NCAPH2: variants seen among roughly 807,000 people sequenced by gnomAD.
NCAPH2 encodes the protein condensin-2 complex subunit H2.
A neutral mutation model predicts 88.6 loss-of-function variants in NCAPH2; 56 were observed. The ratio of observed to expected loss-of-function variants is 0.63; its 90% CI spans 0.51 to 0.79. The LOEUF is 0.79. Ranked by LOEUF, NCAPH2 falls within the 30% of genes least tolerant of loss-of-function variation. The pLI is 0.00. For synonymous variants in NCAPH2, 378 were observed against 313.6 expected (o/e 1.21, Z -2.17); for missense variants, 794 against 792.0 (o/e 1.00, Z -0.03).
Position 50,522,012 on chromosome 22 carries a change from C to G in NCAPH2, c.1135C>G (p.Leu379Val), listed in dbSNP as rs563550622. ...TGCAGACCATGCCGACAGCAGGCGGCTTCGGCGAAAGGGTCCGTCCTTTGC... is the reference window on the plus strand; with the variant it reads ...TGCAGACCATGCCGACAGCAGGCGGGTTCGGCGAAAGGGTCCGTCCTTTGC... ...AYADHADSRR[L>V]RRKGPSFADM... Residue 379 changes from leucine (L) to valine (V), a missense_variant, in exon 13 of 20, where the codon CTT becomes GTT. Physicochemically the swap from Leu to Val is conservative, Grantham distance 32. Around this residue, in one of 2 missense-constraint regions of NCAPH2, gnomAD observed 735 missense variants for 696.3 expected, o/e 1.06. Transcript: ENST00000420993. 1.2e-6 allele frequency: 2 copies of G among 1,614,056 alleles called. No individual in the cohort carries two copies. Among genetic ancestry groups the G allele is most frequent in the African/African-American group, 1.3e-5 (1 of 75,078 alleles).
At position 50,517,988 on chromosome 22, in the gene NCAPH2, C is replaced by G. The variant is rs1441949996; in HGVS notation, c.436C>G (p.Pro146Ala). The G allele has an allele frequency of 6.2e-7, 1 of 1,613,626 alleles. No individual in the cohort carries two copies. Among genetic ancestry groups the G allele is most frequent in the African/African-American group, 1.3e-5 (1 of 74,914 alleles). ...CTCCATGCAGGAGGTCCTCATCATCCCCCTCCTGCCCATGGCCCTGGTGGC... is the reference window on the plus strand; with the variant it reads ...CTCCATGCAGGAGGTCCTCATCATCGCCCTCCTGCCCATGGCCCTGGTGGC... ...DQTPSEVLII[P>A]LLPMALVAPD... is the part of the protein sequence containing the mutation. The change falls in exon 6 of 20, where the codon CCC becomes GCC. Residue 146 changes from proline to alanine, a missense_variant. Physicochemically the swap from Pro to Ala is conservative, Grantham distance 27 (BLOSUM62 -1). Transcript: ENST00000420993.
Position 50,522,343 on chromosome 22 carries a change from G to GCTTTCTC in NCAPH2, c.1234_1235insCTTTCTC (p.Val412AlafsTer5). ...CCTCACAGATGCTTTCTCTGGACAG[G>GCTTTCTC]TGGCTGAGCAGTGGCTGCGGCCTGC... On this transcript the variant is annotated frameshift_variant and splice_region_variant, in exon 15 of 20. Coordinates refer to ENST00000420993, the MANE Select transcript of NCAPH2 (RefSeq NM_152299.4). LOFTEE classifies it high-confidence loss of function. 2 of 1,604,714 alleles carry GCTTTCTC rather than the reference G, an allele frequency of 1.2e-6. No individual in the cohort carries two copies. Among genetic ancestry groups the GCTTTCTC allele is most frequent in the Non-Finnish European group, 1.7e-6 (2 of 1,174,636 alleles).
Position 50,524,277 on chromosome 22 carries a change from CT to C in NCAPH2, c.*903del. On this transcript the variant is annotated 3_prime_UTR_variant, in exon 20 of 20. Transcript: ENST00000420993. The stretch of plus-strand genomic sequence containing the variant: ...CCTGGGGCTGGCCCTGCCCACCTGT[CT>C]CTGCAGGGCCCTGCCTTGACAAAAG... 1 of 1,603,884 alleles carries C rather than the reference CT, an allele frequency of 6.2e-7. No homozygotes were observed. The highest frequency in any genetic ancestry group is 8.5e-7 in the Non-Finnish European group (1 of 1,179,766).
intron 10 of NCAPH2, 127 bp downstream of exon 10, chr22:50,521,163 C>G (rs1397116680): frequency 9.0e-7 from 1 of 1,110,960 alleles, no homozygotes; most frequent in Admixed American, 2.3e-5. Flanking sequence ...TTTGCACTTG[C>G]TCTCTTAAAG....
intron 1 of NCAPH2, among the ~76,000 whole-genome samples, chr22:50,514,524 A>T (rs2068865132): frequency 6.6e-6 from 1 of 152,218 alleles, no homozygotes; most frequent in African/African-American, 2.4e-5. Flanking sequence ...GTTTGGGCTC[A>T]GATGGCAGGT....
At chr22:50,522,597 G>A (rs1228640441) in intron 16 of NCAPH2, 28 bp downstream of exon 16, 29 of 1,613,490 alleles carry the variant, frequency 1.8e-5, no homozygotes, top group Admixed American at 1.0e-4. Context: ...TAGGAGTGCT[G>A]AGGGGCCACT....
At position 50,508,362 on chromosome 22, in the gene NCAPH2, G is replaced by T; in HGVS notation, c.25G>T (p.Ala9Ser). The T allele has an allele frequency of 6.7e-7, 1 of 1,482,114 alleles. No homozygotes were observed. Among genetic ancestry groups the T allele is most frequent in the Non-Finnish European group, 8.9e-7 (1 of 1,120,666 alleles). The allele number at this position is 1,482,114 out of a possible 1,614,324, so 91.8% of individuals were successfully genotyped here. Residue 9 changes from alanine (A) to serine (S), a missense_variant, in exon 1 of 20, where the codon GCC (alanine) becomes TCC (serine). Physicochemically the swap from Ala to Ser is moderately conservative, Grantham distance 99 (BLOSUM62 1). Coordinates refer to ENST00000420993, the MANE Select transcript of NCAPH2 (RefSeq NM_152299.4). ...CATGGAGGACGTGGAGGCGCGCTTCGCCCACCTCTTGCAGCCCATCCGCGA... is the reference window on the plus strand; with the variant it reads ...CATGGAGGACGTGGAGGCGCGCTTCTCCCACCTCTTGCAGCCCATCCGCGA... MEDVEARFAHLLQPIRDLT... is the reference protein window; with the variant it reads MEDVEARFSHLLQPIRDLT...
rs746456468 is a variant in NCAPH2 at position 50,522,207 on chromosome 22, G to C, written c.1189G>C (p.Val397Leu). ...CATGGAGGTCCTGTACTGGACACAC[G>C]TGAAGGAGCAGTTGGAAACTCTCCG... ...ADMEVLYWTH[V>L]KEQLETLRKL... is the part of the protein sequence containing the mutation. The change falls in exon 14 of 20, where the codon GTG (valine) becomes CTG (leucine). Residue 397 changes from valine to leucine, a missense_variant. Physicochemically the swap from Val to Leu is conservative, Grantham distance 32. Transcript: ENST00000420993. The C allele has an allele frequency of 6.2e-7, 1 of 1,613,840 alleles. No individual in the cohort carries two copies. Among genetic ancestry groups the C allele is most frequent in the Admixed American group, 1.7e-5 (1 of 59,990 alleles).
chr22:50,519,739 C>A (rs547030432), intron 9 of NCAPH2: 120 of 1,022,176 alleles, frequency 1.2e-4, no homozygotes, highest in Non-Finnish European at 1.4e-4. Flanking sequence ...TTCATTAAAA[C>A]AAAATCAACC....
At chr22:50,511,430 C>T (rs1205139984) in intron 1 of NCAPH2, among the ~76,000 whole-genome samples, 2 of 144,142 alleles carry the variant, frequency 1.4e-5, no homozygotes, top group Non-Finnish European at 2.9e-5. Flanking sequence ...GCTGGGACTA[C>T]TGGCACCCGC....
intron 1 of NCAPH2, among the ~76,000 whole-genome samples, chr22:50,508,727 T>C (rs762697076): frequency 2.0e-5 from 3 of 152,258 alleles, no homozygotes; most frequent in Non-Finnish European, 4.4e-5. Flanking sequence ...TCTAACGTAG[T>C]GGAATAGACT....
chr22:50,518,196 CA>C lies in NCAPH2; in HGVS notation c.565del (p.Arg189GlufsTer77). On this transcript the variant is annotated frameshift_variant, in exon 7 of 20. Transcript: ENST00000420993. LOFTEE classifies it high-confidence loss of function. ...GGATGAACACGTGCGTTCCCCACCC[CA>C]GAGGGGCCTTCATGTTGGAGCCAGA... ...FRMNTCVPHPRGAFMLEPEGM... is the reference protein window; with the variant it reads ...FRMNTCVPHPXGAFMLEPEGM... 1 of 1,614,076 alleles carries C rather than the reference CA, an allele frequency of 6.2e-7. No individual in the cohort carries two copies. Among genetic ancestry groups the C allele is most frequent in the Non-Finnish European group, 8.5e-7 (1 of 1,180,010 alleles).
rs1384630235 is a variant in NCAPH2 at position 50,524,571 on chromosome 22, C to T, written c.*1196C>T. The T allele has an allele frequency of 6.6e-6, 5 of 756,270 alleles. No individual in the cohort carries two copies. The Admixed American group carries it at 8.0e-5, about 12-fold the overall frequency. 46.8% of individuals were successfully genotyped at this position (756,270 alleles called of 1,614,324 possible). A position where few individuals can be genotyped will look rare whatever the true frequency, so the allele number is the denominator to read the frequency against. On this transcript the variant is annotated 3_prime_UTR_variant, in exon 20 of 20. Coordinates refer to ENST00000420993, the MANE Select transcript of NCAPH2 (RefSeq NM_152299.4). Reference sequence around the variant, plus strand: ...GCATTTGCAGCTGCTCACCTGAGCTCAGAACTCCACCTCCACCAAACATCC... The same window carrying T: ...GCATTTGCAGCTGCTCACCTGAGCTTAGAACTCCACCTCCACCAAACATCC...
chr22:50,524,187 C>T lies in NCAPH2; in HGVS notation c.*812C>T, dbSNP rs1427577461. 7 of 1,609,106 alleles carry T rather than the reference C, an allele frequency of 4.4e-6. No homozygotes were observed. The South Asian group carries it at 6.6e-5, about 15-fold the overall frequency. ...TCTCCTTCTCAGCCCTCAGGGCCAG[C>T]CAGGCCCCACCGAGTCCAGCCCCGA... On this transcript the variant is annotated 3_prime_UTR_variant, in exon 20 of 20. Transcript: ENST00000420993.
In NCAPH2 at chr22:50,518,709, C is replaced by T; in HGVS notation, c.707C>T (p.Ala236Val). 1 of 1,607,794 alleles carries T rather than the reference C, an allele frequency of 6.2e-7. No individual in the cohort carries two copies. Among genetic ancestry groups the T allele is most frequent in the South Asian group, 1.1e-5 (1 of 89,674 alleles). Reference sequence around the variant, plus strand: ...TCCGTGTGCAGGAGCCCTGTCCCAGCACTCGGCTTCTCCCAGGAGCCAGGT... The same window carrying T: ...TCCGTGTGCAGGAGCCCTGTCCCAGTACTCGGCTTCTCCCAGGAGCCAGGT... ...EVSVCRSPVP[A>V]LGFSQEPGPS... Residue 236 changes from alanine to valine, a missense_variant, in exon 8 of 20, where the codon GCA becomes GTA. This residue lies in a region of NCAPH2 where 735 missense variants were observed against 696.3 expected (regional missense o/e 1.06). Transcript: ENST00000420993.
chr22:50,519,212 G>T lies in NCAPH2; in HGVS notation c.753G>T (p.Met251Ile). 1.2e-6 allele frequency: 2 copies of T among 1,610,748 alleles called. No individual in the cohort carries two copies. Among genetic ancestry groups the T allele is most frequent in the Admixed American group, 1.7e-5 (1 of 59,646 alleles). The change falls in exon 9 of 20, where the codon ATG (methionine) becomes ATT (isoleucine). Residue 251 changes from methionine to isoleucine, a missense_variant. Physicochemically the swap from Met to Ile is conservative, Grantham distance 10 (BLOSUM62 1). Around this residue, in one of 2 missense-constraint regions of NCAPH2, gnomAD observed 735 missense variants for 696.3 expected, o/e 1.06. Transcript: ENST00000420993. ...TAGGCCCCTCTCCAGAAGGCCCGATGCCCCTGGGTGGGGGCGAGGACGAGG... is the reference window on the plus strand; with the variant it reads ...TAGGCCCCTCTCCAGAAGGCCCGATTCCCCTGGGTGGGGGCGAGGACGAGG... ...QEPGPSPEGP[M>I]PLGGGEDEDA... is the part of the protein sequence containing the mutation.
rs139545104 is a variant in NCAPH2, at chr22:50,524,250, G to A, written c.*875G>A. On this transcript the variant is annotated 3_prime_UTR_variant, in exon 20 of 20. Coordinates refer to ENST00000420993, the MANE Select transcript of NCAPH2 (RefSeq NM_152299.4). ...TCAGCAGCCGGGTTCGAAGCCCAGG[G>A]CCCTGGGGCTGGCCCTGCCCACCTG... The A allele has an allele frequency of 1.8e-4, 291 of 1,605,592 alleles. 1 individual carries two copies. Among genetic ancestry groups the A allele is most frequent in the Non-Finnish European group, 2.3e-4 (268 of 1,179,828 alleles).
At position 50,519,232 on chromosome 22, in the gene NCAPH2, AC is replaced by A. The variant is rs1197993431; in HGVS notation, c.774del (p.Asp258GlufsTer8). 14 of 1,610,372 alleles carry A rather than the reference AC, an allele frequency of 8.7e-6. No individual in the cohort carries two copies. Among genetic ancestry groups the A allele is most frequent in the Non-Finnish European group, 1.2e-5 (14 of 1,178,980 alleles). On this transcript the variant is annotated frameshift_variant, in exon 9 of 20. Transcript: ENST00000420993. LOFTEE classifies it high-confidence loss of function. ...CCGATGCCCCTGGGTGGGGGCGAGG[AC>A]GAGGATGCAGAGGAGGCAGTAGAGC... ...EGPMPLGGGE[D>X]EDAEEAVELP...
Position 50,523,823 on chromosome 22 carries a change from G to A in NCAPH2, c.*448G>A. On this transcript the variant is annotated 3_prime_UTR_variant, in exon 20 of 20. Coordinates refer to ENST00000420993, the MANE Select transcript of NCAPH2 (RefSeq NM_152299.4). ...TAACTGTGACTAGCCTGGGCAACCT[G>A]TTTGGTGGAGCCGGTCAGACCCAAC... 1 of 1,614,120 alleles carries A rather than the reference G, an allele frequency of 6.2e-7. No individual in the cohort carries two copies. The highest frequency in any genetic ancestry group is 8.5e-7 in the Non-Finnish European group (1 of 1,180,036).
Sources: gnomAD v4.1 joint callset for allele counts (sites outside exome capture counted in the v4.1 genomes callset) on GRCh38, gnomAD v4.1.1 for gene constraint, gnomAD v4.1.1 regional missense constraint, MANE v1.5 for transcripts, NCBI Gene and HGNC (gene_info 2026-07-23, HGNC 2026-07-21) for gene names.